Variants in B3GALT1 observed in about 807,000 individuals in gnomAD.
The protein encoded by B3GALT1 is beta-1,3-galactosyltransferase 1.
B3GALT1 carries 10 observed loss-of-function variants against 23.2 expected under a neutral mutation model. The observed-to-expected ratio is 0.43, with a 90% CI of 0.27 to 0.73. The LOEUF is 0.73. Ranked by LOEUF, B3GALT1 falls within the 30% of genes least tolerant of loss-of-function variation. The probability of loss-of-function intolerance (pLI) is 0.21; values close to 1 mark genes in which losing one functional copy is unlikely to be tolerated. For synonymous variants in B3GALT1, 156 were observed against 141.5 expected (o/e 1.10, Z -0.73); for missense variants, 299 against 405.4 (o/e 0.74, Z 2.25).
rs182986374 is a variant in B3GALT1 at position 167,416,089 on chromosome 2, G to C, written c.-510-74088G>C. 1.2e-4 allele frequency among the ~76,000 whole-genome samples: 19 copies of C among 152,340 alleles called. No homozygotes were observed. The East Asian group carries it at 3.7e-3, about 29-fold the overall frequency. On this transcript the variant is annotated intron_variant, in intron 1 of 4. Transcript: ENST00000392690. ...GAGAGGAAACCAAGTAAGTGGCTGA[G>C]CAACTTTTGCTAAGATTAGTAGAGA...
intron 3 of B3GALT1, among the ~76,000 whole-genome samples, chr2:167,698,881 C>G (rs1686827279): frequency 6.6e-6 from 1 of 152,142 alleles, no homozygotes; most frequent in African/African-American, 2.4e-5. Flanking sequence ...TTCAGAACAG[C>G]TGAATTTTTC....
At chr2:167,680,388 T>G (rs1425617492) in intron 3 of B3GALT1, among the ~76,000 whole-genome samples, 3 of 152,044 alleles carry the variant, frequency 2.0e-5, no homozygotes, top group Admixed American at 6.6e-5. Context: ...AATAAAGATT[T>G]CAAATAGAGA....
At chr2:167,711,962 C>G (rs571788756) in intron 3 of B3GALT1, among the ~76,000 whole-genome samples, 1 of 152,090 alleles carries the variant, frequency 6.6e-6, no homozygotes, top group African/African-American at 2.4e-5. Context: ...AGCGCAACTT[C>G]GTCTCAAAAA....
At chr2:167,607,527 G>T in intron 2 of B3GALT1, among the ~76,000 whole-genome samples, 1 of 152,108 alleles carries the variant, frequency 6.6e-6, no homozygotes, top group African/African-American at 2.4e-5. Context: ...GTGTGTGCGT[G>T]TGTGTGTGCA....
At position 167,677,602 on chromosome 2, in the gene B3GALT1, C is replaced by T. The variant is rs191651199; in HGVS notation, c.-352+30636C>T. Among the ~76,000 whole-genome samples the T allele has an allele frequency of 2.6e-5, 4 of 152,334 alleles. No homozygotes were observed. In the East Asian group the frequency reaches 5.8e-4, roughly 22 times the overall value. The stretch of plus-strand genomic sequence containing the variant: ...CCCTCAATCACTATAGACACCCTCA[C>T]ACTGTAGCATCCCACCTTGCCCTGC... On this transcript the variant is annotated intron_variant, in intron 3 of 4. Coordinates refer to ENST00000392690, the MANE Select transcript of B3GALT1 (RefSeq NM_020981.4).
At chr2:167,545,893 C>T (rs924411791) in intron 2 of B3GALT1, among the ~76,000 whole-genome samples, 8 of 152,104 alleles carry the variant, frequency 5.3e-5, no homozygotes, top group Non-Finnish European at 7.4e-5. Context: ...TTTGCATATA[C>T]GTAATGAGTT....
At chr2:167,386,106 A>G (rs1162420088) in intron 1 of B3GALT1, among the ~76,000 whole-genome samples, 2 of 152,322 alleles carry the variant, frequency 1.3e-5, no homozygotes, top group South Asian at 2.1e-4. Context: ...GGCTTTTGCT[A>G]ACTGACATAG....
intron 2 of B3GALT1, among the ~76,000 whole-genome samples, chr2:167,626,762 G>A (rs193204274): frequency 9.3e-4 from 141 of 151,808 alleles, no homozygotes; most frequent in South Asian, 4.6e-3. Flanking sequence ...TCTGTAAGAT[G>A]CTAATAGGAA....
At chr2:167,654,742 T>C (rs1207934789) in intron 3 of B3GALT1, among the ~76,000 whole-genome samples, 1 of 151,886 alleles carries the variant, frequency 6.6e-6, no homozygotes, top group African/African-American at 2.4e-5. Context: ...GAACTCCTCC[T>C]ACCTCAGCCT....
chr2:167,783,723 A>T (rs1004366), intron 3 of B3GALT1, among the ~76,000 whole-genome samples: 1 of 152,064 alleles, frequency 6.6e-6, no homozygotes. Flanking sequence ...GGGGAAATAG[A>T]GGTCAAAGAG....
At chr2:167,476,102 A>G (rs979252734) in intron 1 of B3GALT1, among the ~76,000 whole-genome samples, 3 of 152,100 alleles carry the variant, frequency 2.0e-5, no homozygotes, top group Admixed American at 6.6e-5. Context: ...ATTAGTTCAC[A>G]CTCTGAGGTC....
At chr2:167,678,182 C>G (rs941633943) in intron 3 of B3GALT1, among the ~76,000 whole-genome samples, 10 of 152,164 alleles carry the variant, frequency 6.6e-5, no homozygotes, top group African/African-American at 2.4e-4. Flanking sequence ...GCCTTTCTAT[C>G]TTTGTGTCCC....
intron 1 of B3GALT1, among the ~76,000 whole-genome samples, chr2:167,426,915 G>A (rs557129664): frequency 4.8e-4 from 73 of 152,268 alleles, no homozygotes; most frequent in African/African-American, 1.6e-3. Context: ...GAATATATAC[G>A]TTCATTGCAA....
chr2:167,616,948 A>C (rs901552893), intron 2 of B3GALT1, among the ~76,000 whole-genome samples: 1 of 152,268 alleles, frequency 6.6e-6, no homozygotes, highest in Non-Finnish European at 1.5e-5. Flanking sequence ...CAATCATGTC[A>C]GTTAGCAATG....
intron 3 of B3GALT1, among the ~76,000 whole-genome samples, chr2:167,795,333 T>C (rs1010671593): frequency 6.6e-6 from 1 of 152,172 alleles, no homozygotes; most frequent in Non-Finnish European, 1.5e-5. Context: ...TGTGACCACA[T>C]AACACCAATG....
chr2:167,555,725 T>C (rs1056563808), intron 2 of B3GALT1, among the ~76,000 whole-genome samples: 4 of 152,236 alleles, frequency 2.6e-5, no homozygotes, highest in African/African-American at 9.6e-5. Flanking sequence ...CATTGTGAAA[T>C]AGCATGTGAT....
chr2:167,404,506 C>T (rs1174773318), intron 1 of B3GALT1, among the ~76,000 whole-genome samples: 1 of 152,146 alleles, frequency 6.6e-6, no homozygotes, highest in African/African-American at 2.4e-5. Context: ...TGTTTCCTTT[C>T]TATTCAGTAT....
chr2:167,768,224 T>G (rs916758849), intron 3 of B3GALT1, among the ~76,000 whole-genome samples: 1 of 152,206 alleles, frequency 6.6e-6, no homozygotes, highest in Non-Finnish European at 1.5e-5. Flanking sequence ...AGTGGACACC[T>G]AAAATTCACC....
chr2:167,655,922 C>T (rs1685948201), intron 3 of B3GALT1, among the ~76,000 whole-genome samples: 2 of 152,220 alleles, frequency 1.3e-5, no homozygotes, highest in South Asian at 4.1e-4. Flanking sequence ...TCCATGCACA[C>T]ACACACCACT....
Sources: gnomAD v4.1 joint callset for allele counts (sites outside exome capture counted in the v4.1 genomes callset) on GRCh38, gnomAD v4.1.1 for gene constraint, MANE v1.5 for transcripts, NCBI Gene and HGNC (gene_info 2026-07-23, HGNC 2026-07-21) for gene names.